The following CDK12 variants were observed in gnomAD, a reference collection of about 807,000 sequenced individuals.
CDK12 encodes the protein cyclin dependent kinase 12.
Under a neutral mutation model 133.8 loss-of-function variants are expected in CDK12, and 17 were observed. The observed-to-expected ratio is 0.13, with a 90% CI of 0.09 to 0.19. The LOEUF (loss-of-function observed/expected upper bound fraction) is 0.19. CDK12 is among the 10% of genes least tolerant of loss of function. CDK12 has a pLI of 1.00. For missense variants in CDK12, 1,508 were observed against 1,818.7 expected (o/e 0.83, Z 3.11); for synonymous variants, 694 against 683.6 (o/e 1.02, Z -0.24).
At chr17:39,545,779 A>AT (rs919129906), upstream of CDK12, among the ~76,000 whole-genome samples, 5 of 132,440 alleles carry the variant, frequency 3.8e-5, no homozygotes, top group African/African-American at 1.1e-4. Context: ...GGATTACAGG[A>AT]TTTTTTTTTC....
At chr17:39,538,435 T>TA (rs2055243420), downstream of CDK12, among the ~76,000 whole-genome samples, 2 of 152,158 alleles carry the variant, frequency 1.3e-5, no homozygotes, top group Admixed American at 6.5e-5. Context: ...CTTTAACCAG[T>TA]AAAAAATGCC....
chr17:39,540,582 G>T (rs2055358718), intron 1 of CDK12, among the ~76,000 whole-genome samples: 3 of 152,232 alleles, frequency 2.0e-5, no homozygotes, highest in African/African-American at 4.8e-5. Flanking sequence ...TTGAAAATGG[G>T]ATATGACTAG....
intron 1 of CDK12, among the ~76,000 whole-genome samples, chr17:39,466,955 A>G (rs1306219141): frequency 1.3e-5 from 2 of 151,924 alleles, no homozygotes; most frequent in African/African-American, 2.4e-5. Flanking sequence ...TCAAAATGAA[A>G]TAAGCAACAT....
intron 6 of CDK12, among the ~76,000 whole-genome samples, chr17:39,507,703 T>A (rs2053225771): frequency 6.6e-6 from 1 of 152,218 alleles, no homozygotes; most frequent in Non-Finnish European, 1.5e-5. Flanking sequence ...TATATATCCA[T>A]TTCCATTTTG....
intron 10 of CDK12, among the ~76,000 whole-genome samples, chr17:39,518,984 C>G (rs2053988377): frequency 6.6e-6 from 1 of 152,176 alleles, no homozygotes; most frequent in South Asian, 2.1e-4. Context: ...TCACTGCAAC[C>G]TCCGCCTCCT....
chr17:39,520,675 C>G (rs557317464), intron 11 of CDK12, among the ~76,000 whole-genome samples: 6 of 145,800 alleles, frequency 4.1e-5, no homozygotes, highest in African/African-American at 1.5e-4. Context: ...GCGTAAGCCA[C>G]TGCGTCCAGC....
intron 1 of CDK12, among the ~76,000 whole-genome samples, chr17:39,468,643 T>C (rs892791179): frequency 1.3e-5 from 2 of 151,146 alleles, no homozygotes; most frequent in Non-Finnish European, 3.0e-5. Context: ...GCCCGGCTAA[T>C]TTTGTATTTT....
At chr17:39,555,908 T>A (rs1024801143) in intron 2 of CDK12, among the ~76,000 whole-genome samples, 1 of 147,018 alleles carries the variant, frequency 6.8e-6, no homozygotes, top group African/African-American at 2.5e-5. Flanking sequence ...ATGGCATACA[T>A]CTCTAGTCCC....
At chr17:39,553,529 G>A (rs11658219) in intron 2 of CDK12, among the ~76,000 whole-genome samples, 92,252 of 152,116 alleles carry the variant, frequency 0.61, 31,660 homozygotes, top group South Asian at 0.88. Context: ...GTGCCAGCTC[G>A]CCTGGCTAGT....
chr17:39,496,912 C>CTTTTTTT (rs71147349), intron 5 of CDK12, among the ~76,000 whole-genome samples: 38 of 87,816 alleles, frequency 4.3e-4, no homozygotes, highest in African/African-American at 8.1e-4. Flanking sequence ...TTCAGTATAT[C>CTTTTTTT]TTTTTTTTTT....
At chr17:39,490,486 ATG>A (rs2051503133) in intron 2 of CDK12, 69 bp from the exon 3 acceptor site, 3 of 1,093,208 alleles carry the variant, frequency 2.7e-6, no homozygotes, top group Non-Finnish European at 3.9e-6. Context: ...ACCAGGCATT[ATG>A]ATCTTTGAAA....
In CDK12 at chr17:39,530,623, T is replaced by C; in HGVS notation, c.3780T>C (p.Leu1260=). 4 of 1,599,922 alleles carry C rather than the reference T, an allele frequency of 2.5e-6. No homozygotes were observed. The highest frequency in any genetic ancestry group is 3.4e-6 in the Non-Finnish European group (4 of 1,171,908). The change falls in exon 14 of 14, where the codon CTT becomes CTC. Residue 1260 remains leucine, a synonymous_variant. Coordinates refer to ENST00000447079, the MANE Select transcript of CDK12 (RefSeq NM_016507.4). ...EEAAACPPHI[L]PPEKRPPEPP... ...CCACAGCATGTCCTCCTCACATTCT[T>C]CCACCAGAGAAGAGGCCCCCTGAGC...
rs557544541 is a variant in CDK12, at chr17:39,528,087, T to C, written c.3760+1771T>C. Among the ~76,000 whole-genome samples the C allele has an allele frequency of 7.3e-5, 11 of 150,838 alleles. 1 individual carries two copies. The South Asian group carries it at 2.3e-3, about 32-fold the overall frequency. On this transcript the variant is annotated intron_variant, in intron 13 of 13. Transcript: ENST00000447079. ...CCTGCCACCACACCTGGCTAATTTTTTTTTGTATTTTTAGTAGAGATGGGG... is the reference window on the plus strand; with the variant it reads ...CCTGCCACCACACCTGGCTAATTTTCTTTTGTATTTTTAGTAGAGATGGGG...
intron 1 of CDK12, among the ~76,000 whole-genome samples, chr17:39,542,157 ATATG>A (rs930635355): frequency 1.5e-4 from 23 of 151,324 alleles, no homozygotes; most frequent in Non-Finnish European, 3.0e-4. Flanking sequence ...ATACATATAT[ATATG>A]TGTGTGTGTG....
At chr17:39,515,402 T>G (rs190836819) in intron 8 of CDK12, among the ~76,000 whole-genome samples, 12 of 152,332 alleles carry the variant, frequency 7.9e-5, no homozygotes, top group Admixed American at 6.5e-4. Flanking sequence ...TTGTTAGTAT[T>G]GTTCTTTAAT....
At chr17:39,485,565 ACCAC>A (rs1264988556) in intron 2 of CDK12, among the ~76,000 whole-genome samples, 2,211 of 151,770 alleles carry the variant, frequency 0.015, 53 homozygotes, top group African/African-American at 0.05. Flanking sequence ...GGCGGGTGCC[ACCAC>A]GCCTGGCTAA....
chr17:39,482,203 G>A (rs1458076335), intron 2 of CDK12, among the ~76,000 whole-genome samples: 1 of 151,152 alleles, frequency 6.6e-6, no homozygotes, highest in Non-Finnish European at 1.5e-5. Flanking sequence ...ATAGAGATGG[G>A]GTTTCACCAT....
At chr17:39,474,524 A>G (rs1347998225) in intron 2 of CDK12, among the ~76,000 whole-genome samples, 1 of 152,120 alleles carries the variant, frequency 6.6e-6, no homozygotes, top group African/African-American at 2.4e-5. Flanking sequence ...CATGTTGCCC[A>G]GGTTGGTCTT....
chr17:39,494,748 T>C, intron 5 of CDK12, 54 bp downstream of exon 5: 1 of 1,264,010 alleles, frequency 7.9e-7, no homozygotes, highest in Non-Finnish European at 1.1e-6. Context: ...TCTTTGCCTT[T>C]CTTTTTTTTT....
Sources: allele counts gnomAD v4.1 joint callset (sites outside exome capture counted in the v4.1 genomes callset), GRCh38; gene constraint gnomAD v4.1.1; transcripts MANE v1.5; gene names NCBI Gene and HGNC (gene_info 2026-07-23, HGNC 2026-07-21).